The following IRAK3 variants were observed in gnomAD, a reference collection of about 807,000 sequenced individuals.
IRAK3 encodes the protein interleukin-1 receptor-associated kinase 3.
A neutral mutation model predicts 56.6 loss-of-function variants in IRAK3; 57 were observed. The ratio of observed to expected loss-of-function variants is 1.01; its 90% CI spans 0.81 to 1.26. IRAK3 has a LOEUF of 1.26. Among genes scored for constraint, IRAK3 ranks in the 50% most tolerant of loss-of-function variants. IRAK3 has a pLI of 0.00. For synonymous variants in IRAK3, 258 were observed against 255.7 expected, an observed-to-expected ratio of 1.01 and a Z score of -0.09; for missense variants, 703 against 719.0, an observed-to-expected ratio of 0.98 and a Z score of 0.25.
chr12:66,220,516 T>TCTTC (rs71096081), intron 6 of IRAK3, among the ~76,000 whole-genome samples: 1 of 111,098 alleles, frequency 9.0e-6, no homozygotes, highest in Non-Finnish European at 1.9e-5. Flanking sequence ...TCTTCTTTCT[T>TCTTC]TTTTTTTTTT....
intron 5 of IRAK3, 33 bp from the exon 6 acceptor site, chr12:66,217,138 C>T: frequency 6.8e-7 from 1 of 1,475,820 alleles, no homozygotes; most frequent in Non-Finnish European, 9.5e-7. Context: ...AGATCCTTTC[C>T]TTAATTTTGT....
intron 5 of IRAK3, among the ~76,000 whole-genome samples, chr12:66,212,905 G>A (rs927536361): frequency 2.6e-5 from 4 of 152,098 alleles, no homozygotes; most frequent in Admixed American, 2.6e-4. Context: ...ATGGGAGGAA[G>A]AGTATTAGGA....
chr12:66,199,089 C>G (rs2052483128), intron 1 of IRAK3, among the ~76,000 whole-genome samples: 1 of 152,138 alleles, frequency 6.6e-6, no homozygotes, highest in Non-Finnish European at 1.5e-5. Flanking sequence ...AATGTGGAAA[C>G]CTAAACTTTC....
intron 2 of IRAK3, among the ~76,000 whole-genome samples, chr12:66,205,993 T>C (rs1412979053): frequency 6.6e-6 from 1 of 152,220 alleles, no homozygotes; most frequent in Non-Finnish European, 1.5e-5. Context: ...CATGTCCTTA[T>C]GTATCACATT....
chr12:66,210,258 G>A (rs576355041), intron 4 of IRAK3, 57 bp downstream of exon 4: 1 of 1,017,104 alleles, frequency 9.8e-7, no homozygotes, highest in Admixed American at 1.7e-5. Flanking sequence ...TTTCATTTAA[G>A]TGAATTAAGA....
At chr12:66,210,356 G>A (rs1427359210) in intron 4 of IRAK3, among the ~76,000 whole-genome samples, 155 bp downstream of exon 4, 1 of 152,086 alleles carries the variant, frequency 6.6e-6, no homozygotes, top group Admixed American at 6.5e-5. Context: ...CAATTTGATT[G>A]ACACTTATAG....
chr12:66,217,131 T>A lies in IRAK3; in HGVS notation c.589-40T>A, dbSNP rs371973700. ...CTGGGTTAAGAATCCCAGAAACAGA[T>A]CCTTTCCTTAATTTTGTTCTTGTCT... On this transcript the variant is annotated intron_variant, in intron 5 of 11. Coordinates refer to ENST00000261233, the MANE Select transcript of IRAK3 (RefSeq NM_007199.3). 8.5e-6 allele frequency: 12 copies of A among 1,416,984 alleles called. No homozygotes were observed. In the African/African-American group the frequency reaches 1.7e-4, roughly 20 times the overall value. 87.8% of individuals were successfully genotyped at this position (1,416,984 alleles called of 1,614,324 possible).
At chr12:66,225,869 G>C (rs1486386893) in intron 6 of IRAK3, among the ~76,000 whole-genome samples, 1 of 152,166 alleles carries the variant, frequency 6.6e-6, no homozygotes, top group Non-Finnish European at 1.5e-5. Flanking sequence ...TGCAAGCTTT[G>C]TGAAGACACT....
chr12:66,209,453 C>T lies in IRAK3; in HGVS notation c.317-3C>T. 1 of 1,596,076 alleles carries T rather than the reference C, an allele frequency of 6.3e-7. No individual in the cohort carries two copies. The highest frequency in any genetic ancestry group is 1.3e-5 in the African/African-American group (1 of 74,658). On this transcript the variant is annotated splice_region_variant and splice_polypyrimidine_tract_variant and intron_variant, in intron 2 of 11. Transcript: ENST00000261233. ...TATCTACCTTCCCATATTTCTCTTT[C>T]AGGAGCAGTGTTGAGTCCTTCAGAG...
At chr12:66,239,582 A>T (rs2052943682) in intron 8 of IRAK3, among the ~76,000 whole-genome samples, 2 of 152,150 alleles carry the variant, frequency 1.3e-5, no homozygotes, top group Admixed American at 6.6e-5. Context: ...GACTGATAAG[A>T]TTCTTTAATC....
chr12:66,203,833 C>G lies in IRAK3; in HGVS notation c.256C>G (p.Leu86Val), dbSNP rs141465212. The stretch of plus-strand genomic sequence containing the variant: ...ACAGAAAAACAAGACCATCGGTGAC[C>G]TTTTACAGGTCCTCCAGGAGATGGG... The part of the protein sequence containing the change: ...WAQKNKTIGD[L>V]LQVLQEMGHR... Residue 86 changes from leucine to valine, a missense_variant, in exon 2 of 12, where the codon CTT becomes GTT. Leu to Val is a conservative substitution (Grantham distance 32, BLOSUM62 1). Transcript: ENST00000261233. The G allele has an allele frequency of 8.2e-5, 133 of 1,613,944 alleles. No individual in the cohort carries two copies. Among genetic ancestry groups the G allele is most frequent in the Non-Finnish European group, 1.0e-4 (120 of 1,179,964 alleles).
At chr12:66,242,839 C>T (rs756461039) in intron 8 of IRAK3, among the ~76,000 whole-genome samples, 10 of 152,134 alleles carry the variant, frequency 6.6e-5, no homozygotes, top group African/African-American at 1.9e-4. Context: ...TTCGGGAGGC[C>T]GAGGCGGGTG....
chr12:66,233,955 C>CACA (rs2052874454), intron 8 of IRAK3: 3 of 1,190,362 alleles, frequency 2.5e-6, no homozygotes. Flanking sequence ...ATAACGTTTT[C>CACA]AAGAACTTGT....
chr12:66,235,187 G>A, intron 8 of IRAK3: 3 of 1,613,536 alleles, frequency 1.9e-6, no homozygotes, highest in South Asian at 2.2e-5. Context: ...GGGACTGGGA[G>A]GGGCCATGGG....
chr12:66,204,933 C>A (rs751529907), intron 2 of IRAK3, among the ~76,000 whole-genome samples: 15 of 152,120 alleles, frequency 9.9e-5, no homozygotes, highest in Non-Finnish European at 1.9e-4. Context: ...TGATATTATT[C>A]ATATAACTTG....
At chr12:66,198,164 C>T (rs1359459027) in intron 1 of IRAK3, 2 of 920,510 alleles carry the variant, frequency 2.2e-6, no homozygotes, top group East Asian at 1.2e-4. Flanking sequence ...GCATCACCTT[C>T]TCAGAAATCT....
At chr12:66,233,782 TTTTC>T (rs1361678543) in intron 8 of IRAK3, among the ~76,000 whole-genome samples, 4 of 147,860 alleles carry the variant, frequency 2.7e-5, no homozygotes, top group South Asian at 4.3e-4. Context: ...TCTTTTTTCT[TTTTC>T]TTTTTTTTTT....
chr12:66,196,029 A>G (rs565084091), intron 1 of IRAK3, among the ~76,000 whole-genome samples: 2 of 150,526 alleles, frequency 1.3e-5, no homozygotes, highest in African/African-American at 2.5e-5. Context: ...ATTTTTCTCT[A>G]TATCATTTAT....
chr12:66,219,773 G>A (rs2052712691), intron 6 of IRAK3, among the ~76,000 whole-genome samples: 1 of 152,068 alleles, frequency 6.6e-6, no homozygotes, highest in Non-Finnish European at 1.5e-5. Context: ...TCTCATTGTG[G>A]TTTTGATTTG....
Sources: allele counts gnomAD v4.1 joint callset (sites outside exome capture counted in the v4.1 genomes callset), GRCh38; gene constraint gnomAD v4.1.1; transcripts MANE v1.5; gene names NCBI Gene and HGNC (gene_info 2026-07-23, HGNC 2026-07-21).